The following DOCK3 variants were observed in gnomAD, a reference collection of about 807,000 sequenced individuals.
The protein encoded by DOCK3 is dedicator of cytokinesis 3.
A neutral mutation model predicts 265.6 loss-of-function variants in DOCK3; 60 were observed. That is an observed-to-expected ratio of 0.23 (90% CI 0.18 to 0.28). The LOEUF (loss-of-function observed/expected upper bound fraction) is 0.28. Ranked by LOEUF, DOCK3 falls within the 10% of genes least tolerant of loss-of-function variation. The probability of loss-of-function intolerance (pLI) is 1.00; values close to 1 mark genes in which losing one functional copy is unlikely to be tolerated. For synonymous variants in DOCK3, 881 were observed against 938.0 expected (o/e 0.94, Z 1.11); for missense variants, 1,981 against 2,594.3 (o/e 0.76, Z 5.14).
At chr3:50,766,073 C>T (rs1344292688) in intron 1 of DOCK3, among the ~76,000 whole-genome samples, 1 of 152,126 alleles carries the variant, frequency 6.6e-6, no homozygotes, top group African/African-American at 2.4e-5. Context: ...CTAGGTTCAT[C>T]CATCTTGTCG....
At chr3:51,158,659 T>C in intron 10 of DOCK3, among the ~76,000 whole-genome samples, 1 of 152,352 alleles carries the variant, frequency 6.6e-6, no homozygotes, top group East Asian at 1.9e-4. Context: ...TTAATTTTTT[T>C]CAATAAGATT....
At chr3:50,741,700 G>C (rs1223897513) in intron 1 of DOCK3, among the ~76,000 whole-genome samples, 2 of 151,160 alleles carry the variant, frequency 1.3e-5, no homozygotes, top group Non-Finnish European at 3.0e-5. Flanking sequence ...TTGGTTCCAA[G>C]TCTTTGCTAT....
chr3:51,293,982 T>G (rs545844401), intron 27 of DOCK3, among the ~76,000 whole-genome samples: 1 of 152,330 alleles, frequency 6.6e-6, no homozygotes, highest in South Asian at 2.1e-4. Context: ...AAGGGAACTC[T>G]TGTACACTGT....
At chr3:51,009,798 A>G (rs2078866786) in intron 5 of DOCK3, among the ~76,000 whole-genome samples, 1 of 152,192 alleles carries the variant, frequency 6.6e-6, no homozygotes, top group South Asian at 2.1e-4. Flanking sequence ...AATGTGTCCC[A>G]GTGATTCTGG....
rs117093434 is a variant in DOCK3 at position 51,216,093 on chromosome 3, G to T, written c.1252+1846G>T. On this transcript the variant is annotated intron_variant, in intron 14 of 52. Transcript: ENST00000266037. ...GCTTATGTGGTGGAGTATATTCCAAGGGATATACTTAAAGTCCTTCCTTTC... is the reference window on the plus strand; with the variant it reads ...GCTTATGTGGTGGAGTATATTCCAATGGATATACTTAAAGTCCTTCCTTTC... Among the ~76,000 whole-genome samples, 18 of 152,174 alleles carry T rather than the reference G, an allele frequency of 1.2e-4. 1 individual carries two copies. In the East Asian group the frequency reaches 3.5e-3, roughly 29 times the overall value.
chr3:51,067,611 C>G (rs1284828636), intron 6 of DOCK3, among the ~76,000 whole-genome samples: 1 of 151,902 alleles, frequency 6.6e-6, no homozygotes, highest in Non-Finnish European at 1.5e-5. Flanking sequence ...CTTTCTTCCT[C>G]CCCTTGCACT....
At chr3:50,872,923 C>G (rs1275327161) in intron 3 of DOCK3, among the ~76,000 whole-genome samples, 1 of 152,222 alleles carries the variant, frequency 6.6e-6, no homozygotes, top group Non-Finnish European at 1.5e-5. Flanking sequence ...TGGGAATCAC[C>G]TTCATGGCAG....
intron 21 of DOCK3, among the ~76,000 whole-genome samples, chr3:51,238,547 T>G (rs2078451404): frequency 6.6e-6 from 1 of 152,170 alleles, no homozygotes; most frequent in African/African-American, 2.4e-5. Context: ...ATAGATTATT[T>G]CATCACCTAG....
intron 5 of DOCK3, among the ~76,000 whole-genome samples, chr3:51,035,546 C>T (rs984053367): frequency 2.6e-5 from 4 of 152,172 alleles, no homozygotes; most frequent in Non-Finnish European, 5.9e-5. Flanking sequence ...ATAATTCCAA[C>T]ATCTTATCAT....
intron 22 of DOCK3, among the ~76,000 whole-genome samples, chr3:51,255,922 G>T (rs1407648636): frequency 6.6e-6 from 1 of 152,174 alleles, no homozygotes; most frequent in East Asian, 1.9e-4. Context: ...GAGGAGCTGT[G>T]TTCCTTTGGA....
intron 3 of DOCK3, among the ~76,000 whole-genome samples, chr3:50,845,741 G>A (rs1194105324): frequency 6.6e-6 from 1 of 152,174 alleles, no homozygotes; most frequent in African/African-American, 2.4e-5. Flanking sequence ...GATATTTACT[G>A]TCAAGAGAAT....
intron 23 of DOCK3, among the ~76,000 whole-genome samples, chr3:51,263,512 C>G (rs963968344): frequency 2.0e-5 from 3 of 152,198 alleles, no homozygotes; most frequent in South Asian, 4.1e-4. Context: ...ACTGCATCAA[C>G]TAACGGGCAA....
At chr3:51,096,793 C>A (rs576287167) in intron 9 of DOCK3, among the ~76,000 whole-genome samples, 2 of 152,310 alleles carry the variant, frequency 1.3e-5, no homozygotes, top group African/African-American at 4.8e-5. Flanking sequence ...TACCTTTGAT[C>A]TTTGATGTTG....
At chr3:51,081,097 T>C (rs1182576963) in intron 7 of DOCK3, among the ~76,000 whole-genome samples, 1 of 152,160 alleles carries the variant, frequency 6.6e-6, no homozygotes, top group Non-Finnish European at 1.5e-5. Context: ...AATATGCACA[T>C]GGATATTTAG....
intron 5 of DOCK3, among the ~76,000 whole-genome samples, chr3:51,049,831 CA>C (rs1352039758): frequency 0.015 from 947 of 62,680 alleles, 11 homozygotes; most frequent in African/African-American, 0.044. Flanking sequence ...ACACACACCC[CA>C]AAAAAACACT....
intron 4 of DOCK3, among the ~76,000 whole-genome samples, chr3:50,922,526 G>C (rs1181000517): frequency 6.6e-6 from 1 of 152,188 alleles, no homozygotes; most frequent in Non-Finnish European, 1.5e-5. Flanking sequence ...GCCCCGCCCT[G>C]CTTCGTGGGC....
chr3:50,898,372 C>T (rs2048998351), intron 4 of DOCK3, among the ~76,000 whole-genome samples: 1 of 152,108 alleles, frequency 6.6e-6, no homozygotes, highest in African/African-American at 2.4e-5. Context: ...TCTCTCTTTT[C>T]TTCTTTATTG....
chr3:51,035,266 T>G (rs1373698366), intron 5 of DOCK3, among the ~76,000 whole-genome samples: 1 of 152,036 alleles, frequency 6.6e-6, no homozygotes, highest in Non-Finnish European at 1.5e-5. Flanking sequence ...TTTCCACAAG[T>G]CTTTGAGATT....
intron 2 of DOCK3, among the ~76,000 whole-genome samples, chr3:50,804,805 C>G (rs146005621): frequency 6.6e-6 from 1 of 152,208 alleles, no homozygotes; most frequent in East Asian, 1.9e-4. Flanking sequence ...TCTGCTTAGT[C>G]TAGTCTGTTC....
Sources: gnomAD v4.1 joint callset for allele counts (sites outside exome capture counted in the v4.1 genomes callset) on GRCh38, gnomAD v4.1.1 for gene constraint, MANE v1.5 for transcripts, NCBI Gene and HGNC (gene_info 2026-07-23, HGNC 2026-07-21) for gene names.